Variants in DVL3 observed in about 807,000 individuals in gnomAD.
The protein encoded by DVL3 is dishevelled segment polarity protein 3, also known as segment polarity protein dishevelled homolog DVL-3.
A neutral mutation model predicts 67.4 loss-of-function variants in DVL3; 27 were observed. The ratio of observed to expected loss-of-function variants is 0.40; its 90% CI spans 0.30 to 0.55. The LOEUF (loss-of-function observed/expected upper bound fraction) is 0.55, where lower values mean the gene tolerates loss of function less well. Ranked by LOEUF, DVL3 falls within the 20% of genes least tolerant of loss-of-function variation. DVL3 has a pLI of 0.46. For synonymous variants in DVL3, 369 were observed against 396.8 expected, an observed-to-expected ratio of 0.93 and a Z score of 0.83; for missense variants, 819 against 1,021.5, an observed-to-expected ratio of 0.80 and a Z score of 2.70.
intron 1 of DVL3, among the ~76,000 whole-genome samples, chr3:184,161,114 T>C (rs1664868227): frequency 6.6e-6 from 1 of 152,140 alleles, no homozygotes; most frequent in Non-Finnish European, 1.5e-5. Flanking sequence ...CATTCCCAGC[T>C]CTGGGCAGAA....
At chr3:184,156,696 C>A in intron 1 of DVL3, 1 of 324,202 alleles carries the variant, frequency 3.1e-6, no homozygotes, top group Non-Finnish European at 6.1e-6. Flanking sequence ...AAGCAGCTGG[C>A]CTGGGAAGAG....
chr3:184,155,611 G>C lies in DVL3; in HGVS notation c.-25G>C. On this transcript the variant is annotated 5_prime_UTR_variant, in exon 1 of 15. Coordinates refer to ENST00000313143, the MANE Select transcript of DVL3 (RefSeq NM_004423.4). This position sits in a 1 kb window ranked among gnomAD's most constrained non-coding sequence, Gnocchi z 5.4. ...CGGCCGCCCGAGCAGGCCGCGCGCG[G>C]GCCGCCGGGCCCGAGGCCAGAGCCA... 7.7e-7 allele frequency: 1 copy of C among 1,297,974 alleles called. No homozygotes were observed. Among genetic ancestry groups the C allele is most frequent in the Non-Finnish European group, 9.9e-7 (1 of 1,012,738 alleles). The allele number at this position is 1,297,974 out of a possible 1,614,324, so 80.4% of individuals were successfully genotyped here. A position where few individuals can be genotyped will look rare whatever the true frequency, so the allele number is the denominator to read the frequency against.
chr3:184,156,260 C>T, intron 1 of DVL3: 2 of 454,096 alleles, frequency 4.4e-6, no homozygotes, highest in Non-Finnish European at 8.8e-6. Flanking sequence ...GAGTATGCTG[C>T]ATCTGAGGGC....
At position 184,170,922 on chromosome 3, in the gene DVL3, A is replaced by G. The variant is rs968658898; in HGVS notation, c.*167A>G. The G allele has an allele frequency of 8.4e-6, 13 of 1,541,270 alleles. No homozygotes were observed. The African/African-American group carries it at 1.6e-4, about 20-fold the overall frequency. ...GGTGCTGCGAGGGTGGGGTGCACCTACCGATTGGCTCTGCAGCCCCCTAAC... is the reference window on the plus strand; with the variant it reads ...GGTGCTGCGAGGGTGGGGTGCACCTGCCGATTGGCTCTGCAGCCCCCTAAC... On this transcript the variant is annotated 3_prime_UTR_variant, in exon 15 of 15. Coordinates refer to ENST00000313143, the MANE Select transcript of DVL3 (RefSeq NM_004423.4). This position sits in a 1 kb window ranked among gnomAD's most constrained non-coding sequence, Gnocchi z 6.5.
At position 184,170,616 on chromosome 3, in the gene DVL3, C is replaced by T. The variant is rs1290938231; in HGVS notation, c.2012C>T (p.Pro671Leu). ...LYGPPMLMMP[P>L]PPAAMGPPGA... ...GGCCCCCCCATGCTGATGATGCCCCCGCCGCCCGCGGCCATGGGGCCCCCA... is the reference window on the plus strand; with the variant it reads ...GGCCCCCCCATGCTGATGATGCCCCTGCCGCCCGCGGCCATGGGGCCCCCA... Residue 671 changes from proline to leucine, a missense_variant, in exon 15 of 15, where the codon CCG becomes CTG. Transcript: ENST00000313143. The surrounding 1 kb of genome is among the most constrained non-coding windows in gnomAD (Gnocchi z 6.5). 1.2e-6 allele frequency: 2 copies of T among 1,608,114 alleles called. No individual in the cohort carries two copies. Among genetic ancestry groups the T allele is most frequent in the Non-Finnish European group, 1.7e-6 (2 of 1,176,660 alleles).
In DVL3 at chr3:184,170,276, C is replaced by T. The variant is rs1282839118; in HGVS notation, c.1715-43C>T. Reference sequence around the variant, plus strand: ...ATAGGTGGGCCCCAGGCTTCCCCCGCCCGCTCAGCCTGCCCCACCCCGGCC... The same window carrying T: ...ATAGGTGGGCCCCAGGCTTCCCCCGTCCGCTCAGCCTGCCCCACCCCGGCC... On this transcript the variant is annotated intron_variant, in intron 14 of 14. Coordinates refer to ENST00000313143, the MANE Select transcript of DVL3 (RefSeq NM_004423.4). This position sits in a 1 kb window ranked among gnomAD's most constrained non-coding sequence, Gnocchi z 6.5. 4.4e-6 allele frequency: 7 copies of T among 1,595,370 alleles called. No homozygotes were observed. The highest frequency in any genetic ancestry group is 3.5e-5 in the Admixed American group (2 of 57,562).
intron 1 of DVL3, among the ~76,000 whole-genome samples, chr3:184,159,607 GC>G (rs1714311266): frequency 1.9e-5 from 2 of 103,106 alleles, no homozygotes; most frequent in East Asian, 3.0e-4. Context: ...CAAGTGATCC[GC>G]CCACCTTGGC....
Position 184,165,063 on chromosome 3 carries a change from T to C in DVL3, c.600-50T>C. 6.2e-7 allele frequency: 1 copy of C among 1,609,942 alleles called. No homozygotes were observed. The highest frequency in any genetic ancestry group is 8.5e-7 in the Non-Finnish European group (1 of 1,177,166). Reference sequence around the variant, plus strand: ...CCAGGCCCTGCAGTGCCTCCCCTCATGGGGGCAGGGCTGGGCCAGCCTGGT... The same window carrying C: ...CCAGGCCCTGCAGTGCCTCCCCTCACGGGGGCAGGGCTGGGCCAGCCTGGT... On this transcript the variant is annotated intron_variant, in intron 5 of 14. Transcript: ENST00000313143. The surrounding 1 kb of genome is among the most constrained non-coding windows in gnomAD (Gnocchi z 4.1).
chr3:184,167,001 G>T lies in DVL3; in HGVS notation c.1198+26G>T. ...GTGAGTGTCCCACCCTGTCTCCTGG[G>T]CCCAGCAGACAGGGCCAGGTGGGGG... is the stretch of plus-strand genomic sequence containing the variant. On this transcript the variant is annotated intron_variant, in intron 11 of 14. Coordinates refer to ENST00000313143, the MANE Select transcript of DVL3 (RefSeq NM_004423.4). The surrounding 1 kb of genome is among the most constrained non-coding windows in gnomAD (Gnocchi z 4.6). 1 of 1,612,140 alleles carries T rather than the reference G, an allele frequency of 6.2e-7. No homozygotes were observed. Among genetic ancestry groups the T allele is most frequent in the South Asian group, 1.1e-5 (1 of 90,900 alleles).
At position 184,170,066 on chromosome 3, in the gene DVL3, C is replaced by T. The variant is rs1560120816; in HGVS notation, c.1559C>T (p.Thr520Ile). 1.9e-6 allele frequency: 3 copies of T among 1,613,942 alleles called. No individual in the cohort carries two copies. The highest frequency in any genetic ancestry group is 2.5e-6 in the Non-Finnish European group (3 of 1,179,922). The change falls in exon 14 of 15, where the codon ACA (threonine) becomes ATA (isoleucine). Residue 520 changes from threonine (T) to isoleucine (I), a missense_variant. Coordinates refer to ENST00000313143, the MANE Select transcript of DVL3 (RefSeq NM_004423.4). The surrounding 1 kb of genome is among the most constrained non-coding windows in gnomAD (Gnocchi z 6.5). ...TCCAGTGGCGCCTCTGACCAGGACA[C>T]ACTGGCCCCTTTGCCGCACCCGGGG... ...DGSSGASDQD[T>I]LAPLPHPGAA...
At chr3:184,158,996 G>C (rs1365807952) in intron 1 of DVL3, among the ~76,000 whole-genome samples, 1 of 151,230 alleles carries the variant, frequency 6.6e-6, no homozygotes, top group African/African-American at 2.4e-5. Context: ...GGCTGGTCTG[G>C]AACTCCTGAC....
chr3:184,161,378 G>T (rs1714375887), intron 1 of DVL3, among the ~76,000 whole-genome samples: 2 of 152,022 alleles, frequency 1.3e-5, no homozygotes, highest in South Asian at 4.1e-4. Flanking sequence ...AGTGGGCTGA[G>T]ATTGCACCAC....
In DVL3 at chr3:184,155,933, G is replaced by A; in HGVS notation, c.161+137G>A. On this transcript the variant is annotated intron_variant, in intron 1 of 14. Coordinates refer to ENST00000313143, the MANE Select transcript of DVL3 (RefSeq NM_004423.4). This position sits in a 1 kb window ranked among gnomAD's most constrained non-coding sequence, Gnocchi z 5.4. ...CTTCTAGGGGCGACTCGGCCCATTT[G>A]GGCCCCTTTGGTTCCAGCCCCAGTA... The A allele has an allele frequency of 9.2e-7, 1 of 1,085,496 alleles. No homozygotes were observed. The highest frequency in any genetic ancestry group is 1.3e-6 in the Non-Finnish European group (1 of 772,706). 67.2% of individuals were successfully genotyped at this position (1,085,496 alleles called of 1,614,324 possible). A position where few individuals can be genotyped will look rare whatever the true frequency, so the allele number is the denominator to read the frequency against.
chr3:184,168,823 C>A (rs1358332863), intron 13 of DVL3, among the ~76,000 whole-genome samples: 1 of 152,170 alleles, frequency 6.6e-6, no homozygotes, highest in Non-Finnish European at 1.5e-5. Context: ...CCCTTATATT[C>A]TCTTCAATGT....
intron 1 of DVL3, among the ~76,000 whole-genome samples, chr3:184,160,285 A>C (rs920627390): frequency 1.3e-5 from 2 of 152,148 alleles, no homozygotes; most frequent in African/African-American, 4.8e-5. Context: ...ACAATGAATG[A>C]TGAACAGGTT....
Position 184,171,016 on chromosome 3 carries a change from G to A in DVL3, c.*261G>A. On this transcript the variant is annotated 3_prime_UTR_variant, in exon 15 of 15. Coordinates refer to ENST00000313143, the MANE Select transcript of DVL3 (RefSeq NM_004423.4). Reference sequence around the variant, plus strand: ...CGCAGGACTTCCCAGGACCCCTTTTGTCTCTGGGACCAGACTTGTTGGTGC... The same window carrying A: ...CGCAGGACTTCCCAGGACCCCTTTTATCTCTGGGACCAGACTTGTTGGTGC... 2 of 1,425,380 alleles carry A rather than the reference G, an allele frequency of 1.4e-6. No homozygotes were observed. The highest frequency in any genetic ancestry group is 1.8e-6 in the Non-Finnish European group (2 of 1,081,234). 88.3% of individuals were successfully genotyped at this position (1,425,380 alleles called of 1,614,324 possible). A position where few individuals can be genotyped will look rare whatever the true frequency, so the allele number is the denominator to read the frequency against.
At position 184,170,461 on chromosome 3, in the gene DVL3, G is replaced by A. The variant is rs569284285; in HGVS notation, c.1857G>A (p.Arg619=). 6.3e-7 allele frequency: 1 copy of A among 1,584,188 alleles called. No homozygotes were observed. Among genetic ancestry groups the A allele is most frequent in the African/African-American group, 1.3e-5 (1 of 74,242 alleles). ...GCAGCCTGCGGGGGCCGCGGGAGCG[G>A]GCGCCCAGCGAGCGCTCAGGGCCGG... ...TRSSLRGPRE[R]APSERSGPAA... is the part of the protein sequence containing the mutation. The change falls in exon 15 of 15, where the codon CGG becomes CGA. Residue 619 remains arginine (R), a synonymous_variant. Coordinates refer to ENST00000313143, the MANE Select transcript of DVL3 (RefSeq NM_004423.4). The surrounding 1 kb of genome is among the most constrained non-coding windows in gnomAD (Gnocchi z 6.5).
rs757093434 is a variant in DVL3 at position 184,167,572 on chromosome 3, A to C, written c.1199-8A>C. Reference sequence around the variant, plus strand: ...TTTCTGCCTCACCATTCTGCCTCCCACCCCCAGGCCTAGACGACTTCCACT... The same window carrying C: ...TTTCTGCCTCACCATTCTGCCTCCCCCCCCCAGGCCTAGACGACTTCCACT... On this transcript the variant is annotated splice_polypyrimidine_tract_variant and splice_region_variant and intron_variant, in intron 11 of 14. Transcript: ENST00000313143. This position sits in a 1 kb window ranked among gnomAD's most constrained non-coding sequence, Gnocchi z 4.6. 1.0e-4 allele frequency: 169 copies of C among 1,612,192 alleles called. No individual in the cohort carries two copies. The East Asian group carries it at 2.6e-3, about 25-fold the overall frequency.
Position 184,171,244 on chromosome 3 carries a change from T to C in DVL3, c.*489T>C. 5 of 1,051,954 alleles carry C rather than the reference T, an allele frequency of 4.8e-6. No homozygotes were observed. The highest frequency in any genetic ancestry group is 5.7e-6 in the Non-Finnish European group (5 of 871,340). 65.2% of individuals were successfully genotyped at this position (1,051,954 alleles called of 1,614,324 possible). On this transcript the variant is annotated 3_prime_UTR_variant, in exon 15 of 15. Coordinates refer to ENST00000313143, the MANE Select transcript of DVL3 (RefSeq NM_004423.4). The stretch of plus-strand genomic sequence containing the variant: ...TTACCCCACATTACTGAAACCAAAA[T>C]ATATTTGCTTCATCTGCCCCTACTA...
Sources: allele counts gnomAD v4.1 joint callset (sites outside exome capture counted in the v4.1 genomes callset), GRCh38; gene constraint gnomAD v4.1.1; non-coding constraint Gnocchi (gnomAD v3.1); transcripts MANE v1.5; gene names NCBI Gene and HGNC (gene_info 2026-07-23, HGNC 2026-07-21).